Variants in IQSEC1 observed in about 807,000 individuals in gnomAD.
IQSEC1 encodes the protein IQ motif and SEC7 domain-containing protein 1.
Under a neutral mutation model 91.0 loss-of-function variants are expected in IQSEC1, and 31 were observed. The observed-to-expected ratio is 0.34, with a 90% CI of 0.26 to 0.46. The LOEUF is 0.46. IQSEC1 is among the 20% of genes least tolerant of loss of function. The probability of loss-of-function intolerance (pLI) is 1.00; values close to 1 mark genes in which losing one functional copy is unlikely to be tolerated. For missense variants in IQSEC1, 1,388 were observed against 1,575.6 expected (o/e 0.88, Z 2.02); for synonymous variants, 699 against 662.6 (o/e 1.05, Z -0.84).
rs1208005976 is a variant in IQSEC1, at chr3:13,206,074, TCTCCATCCGGTCAACCATTC to T, written c.273-41961_273-41942del. Among the ~76,000 whole-genome samples the T allele has an allele frequency of 2.9e-5, 4 of 138,994 alleles. No individual in the cohort carries two copies. The East Asian group carries it at 9.0e-4, about 31-fold the overall frequency. The allele number at this position is 138,994 out of a possible 152,430, so 91.2% of individuals were successfully genotyped here. Reference sequence around the variant, plus strand: ...CCATCACTCCTCCCACCCATCTATCTCTCCATCCGGTCAACCATTCCTCCATCCACCCATCTAGCTCTCCA... The same window carrying T: ...CCATCACTCCTCCCACCCATCTATCTCTCCATCCACCCATCTAGCTCTCCA... On this transcript the variant is annotated intron_variant, in intron 1 of 15. Coordinates refer to the IQSEC1 transcript ENST00000648114.
chr3:13,214,405 G>A lies in IQSEC1; in HGVS notation c.273-50272C>T, dbSNP rs993005076. The stretch of plus-strand genomic sequence containing the variant: ...AGCCAGCACAGGCAGGCACACGGCA[G>A]GGCTGCAGCAAGCTCGAGCCAGAAC... On this transcript the variant is annotated intron_variant, in intron 1 of 15. Coordinates refer to the IQSEC1 transcript ENST00000648114. The surrounding 1 kb of genome is among the most constrained non-coding windows in gnomAD (Gnocchi z 4.5). 1.3e-5 allele frequency among the ~76,000 whole-genome samples: 2 copies of A among 152,264 alleles called. No homozygotes were observed. Among genetic ancestry groups the A allele is most frequent in the South Asian group, 2.1e-4 (1 of 4,836 alleles).
chr3:12,903,223 G>A (rs946822044), intron 12 of IQSEC1, among the ~76,000 whole-genome samples: 1 of 152,170 alleles, frequency 6.6e-6, no homozygotes, highest in Non-Finnish European at 1.5e-5. Context: ...CTTCCACATA[G>A]CTGCAAACAG....
intron 1 of IQSEC1, among the ~76,000 whole-genome samples, chr3:12,974,552 T>C (rs1326513520): frequency 6.6e-6 from 1 of 152,202 alleles, no homozygotes; most frequent in East Asian, 1.9e-4. Flanking sequence ...ACTTGAGTTA[T>C]GGGTCTCTAT....
intron 1 of IQSEC1, among the ~76,000 whole-genome samples, chr3:13,227,740 T>C (rs1184393309): frequency 7.9e-5 from 12 of 152,246 alleles, no homozygotes; most frequent in South Asian, 4.2e-4. Flanking sequence ...TCCACCGTCA[T>C]TCACTAGTGG....
Position 12,909,459 on chromosome 3 carries a change from G to A in IQSEC1, c.2417-25C>T. The A allele has an allele frequency of 6.2e-7, 1 of 1,602,554 alleles. No individual in the cohort carries two copies. Among genetic ancestry groups the A allele is most frequent in the Non-Finnish European group, 8.5e-7 (1 of 1,171,340 alleles). On this transcript the variant is annotated intron_variant, in intron 10 of 13. Coordinates refer to ENST00000613206, the MANE Select transcript of IQSEC1 (RefSeq NM_001134382.3). The surrounding 1 kb of genome is among the most constrained non-coding windows in gnomAD (Gnocchi z 4.9). ...TCTGCAAAAGGGAAGGAGAGGGGAG[G>A]AGGCCCACGGGTCTCAGTGTGTTCT... is the stretch of plus-strand genomic sequence containing the variant.
intron 1 of IQSEC1, among the ~76,000 whole-genome samples, chr3:13,005,913 C>A (rs1490196288): frequency 6.6e-6 from 1 of 152,232 alleles, no homozygotes; most frequent in South Asian, 2.1e-4. Context: ...CACATCACAG[C>A]ACACAGAGTG....
intron 2 of IQSEC1, among the ~76,000 whole-genome samples, chr3:13,085,770 G>A (rs1378250967): frequency 3.3e-5 from 5 of 152,240 alleles, no homozygotes; most frequent in South Asian, 2.1e-4. Context: ...TTGGACTTCC[G>A]TCTGAGACTC....
intron 1 of IQSEC1, among the ~76,000 whole-genome samples, chr3:13,280,487 G>A (rs1304249196): frequency 6.6e-6 from 1 of 152,200 alleles, no homozygotes; most frequent in Admixed American, 6.5e-5. Flanking sequence ...TGAGTCTCCT[G>A]TGAGGGGAGG....
intron 1 of IQSEC1, among the ~76,000 whole-genome samples, chr3:12,972,376 G>T (rs1012648246): frequency 1.3e-5 from 2 of 152,102 alleles, no homozygotes; most frequent in African/African-American, 4.8e-5. Context: ...CTTCTAGGAG[G>T]CTCTGAAGCC....
chr3:13,273,524 T>C (rs1695623128), intron 1 of IQSEC1, among the ~76,000 whole-genome samples: 1 of 152,046 alleles, frequency 6.6e-6, no homozygotes, highest in Non-Finnish European at 1.5e-5. Context: ...CACTCCTCTC[T>C]CTCCTTCCCA....
At chr3:13,022,046 C>A in intron 1 of IQSEC1, 1 of 1,232,010 alleles carries the variant, frequency 8.1e-7, no homozygotes, top group Non-Finnish European at 1.0e-6. Flanking sequence ...AGTGTCCTCA[C>A]AGAGATGCAG....
intron 2 of IQSEC1, among the ~76,000 whole-genome samples, chr3:13,137,902 C>A (rs1210027982): frequency 1.7e-4 from 26 of 151,998 alleles, no homozygotes; most frequent in African/African-American, 6.0e-4. Context: ...AAGATATCTG[C>A]AAAGAAAAAA....
intron 1 of IQSEC1, among the ~76,000 whole-genome samples, chr3:12,985,114 G>A (rs1444698161): frequency 2.6e-5 from 4 of 152,222 alleles, no homozygotes; most frequent in African/African-American, 9.6e-5. Context: ...GTGAGCCACC[G>A]CGCCCAGCCG....
At chr3:13,045,147 C>T (rs578083752) in intron 1 of IQSEC1, among the ~76,000 whole-genome samples, 23 of 152,356 alleles carry the variant, frequency 1.5e-4, no homozygotes, top group Admixed American at 1.3e-3. Flanking sequence ...AGGGCCTCTG[C>T]ACCGCTGTTC....
intron 2 of IQSEC1, among the ~76,000 whole-genome samples, chr3:13,107,215 T>C (rs940468437): frequency 2.0e-5 from 3 of 152,110 alleles, no homozygotes; most frequent in Non-Finnish European, 4.4e-5. Flanking sequence ...ACAAGAGGTA[T>C]TCCTGAAACC....
upstream of IQSEC1, among the ~76,000 whole-genome samples, chr3:13,076,299 G>A (rs1006998633): frequency 2.6e-5 from 4 of 152,194 alleles, no homozygotes; most frequent in Admixed American, 6.5e-5. Context: ...GTTCACCCCT[G>A]CCCTTGCCTC....
rs116686969 is a variant in IQSEC1 at position 12,911,847 on chromosome 3, G to A, written c.2317-119C>T. The A allele has an allele frequency of 9.0e-4, 647 of 718,400 alleles. 2 individuals carry two copies. In the African/African-American group the frequency reaches 9.3e-3, roughly 10 times the overall value. The allele number at this position is 718,400 out of a possible 1,614,324, so 44.5% of individuals were successfully genotyped here. A position where few individuals can be genotyped will look rare whatever the true frequency, so the allele number is the denominator to read the frequency against. On this transcript the variant is annotated intron_variant, in intron 9 of 13. Transcript: ENST00000613206. ...GTCAGGAGGACAGGGACAAGCCCAC[G>A]TGAGTGGAGGGCATGGGCTTCCACT...
At chr3:13,256,875 CA>C (rs1695295571) in intron 1 of IQSEC1, among the ~76,000 whole-genome samples, 3 of 88,772 alleles carry the variant, frequency 3.4e-5, no homozygotes, top group African/African-American at 2.6e-4. Flanking sequence ...GGTGCAGCAC[CA>C]GCAGCGGGTG....
intron 1 of IQSEC1, among the ~76,000 whole-genome samples, chr3:12,949,499 C>T (rs1325287248): frequency 6.6e-5 from 10 of 152,256 alleles, no homozygotes; most frequent in African/African-American, 2.2e-4. Flanking sequence ...ATGCCCATCA[C>T]GCCTCCAGGC....
Sources: allele counts gnomAD v4.1 joint callset (sites outside exome capture counted in the v4.1 genomes callset), GRCh38; gene constraint gnomAD v4.1.1; non-coding constraint Gnocchi (gnomAD v3.1); transcripts MANE v1.5; gene names NCBI Gene and HGNC (gene_info 2026-07-23, HGNC 2026-07-21).